Variants in EPC1 observed in about 807,000 individuals in gnomAD.
EPC1 encodes the protein enhancer of polycomb 1.
In EPC1, 12 loss-of-function variants were observed where a neutral mutation model predicts 98.4. The ratio of observed to expected loss-of-function variants is 0.12; its 90% CI spans 0.08 to 0.20. The LOEUF is 0.20. EPC1 is among the 10% of genes least tolerant of loss of function. The pLI is 1.00. For synonymous variants in EPC1, 357 were observed against 363.9 expected (o/e 0.98, Z 0.21); for missense variants, 729 against 990.5 (o/e 0.74, Z 3.54).
intron 2 of EPC1, among the ~76,000 whole-genome samples, chr10:32,296,506 G>A (rs924195622): frequency 6.6e-6 from 1 of 152,176 alleles, no homozygotes; most frequent in Non-Finnish European, 1.5e-5. Context: ...TCTATCATAT[G>A]AATCAAGGAG....
intron 1 of EPC1, 94 bp from the exon 2 acceptor site, chr10:32,306,025 T>G: frequency 9.2e-7 from 1 of 1,082,920 alleles, no homozygotes; most frequent in Non-Finnish European, 1.3e-6. Flanking sequence ...CATTTGTTTT[T>G]AAAATAGAGA....
At chr10:32,340,782 A>G (rs1733385684) in intron 1 of EPC1, among the ~76,000 whole-genome samples, 1 of 152,116 alleles carries the variant, frequency 6.6e-6, no homozygotes, top group Non-Finnish European at 1.5e-5. Context: ...GTGAGCTATG[A>G]TCGTGTCACT....
At chr10:32,313,796 G>A (rs1227252416) in intron 1 of EPC1, among the ~76,000 whole-genome samples, 3 of 152,094 alleles carry the variant, frequency 2.0e-5, no homozygotes, top group African/African-American at 7.2e-5. Flanking sequence ...TAAGGCAGGA[G>A]AATCGCTTGA....
At chr10:32,355,607 C>CTTTT (rs542748610) in intron 1 of EPC1, among the ~76,000 whole-genome samples, 21 of 72,876 alleles carry the variant, frequency 2.9e-4, no homozygotes, top group African/African-American at 9.4e-4. Context: ...GTGCCTTACC[C>CTTTT]TTTTTTTTTT....
At chr10:32,340,919 CAA>C (rs1444703787) in intron 1 of EPC1, among the ~76,000 whole-genome samples, 1 of 87,118 alleles carries the variant, frequency 1.1e-5, no homozygotes, top group African/African-American at 3.5e-5. Context: ...TTATTCTTAC[CAA>C]AAAGTTATTG....
intron 13 of EPC1, among the ~76,000 whole-genome samples, chr10:32,270,241 AATTTAACAAGT>A (rs1436070667): frequency 6.6e-6 from 1 of 152,212 alleles, no homozygotes; most frequent in Admixed American, 6.5e-5. Flanking sequence ...CTATACAATT[AATTTAACAAGT>A]ATATAATGCT....
At chr10:32,373,001 G>A (rs1295939509) in intron 1 of EPC1, among the ~76,000 whole-genome samples, 1 of 152,244 alleles carries the variant, frequency 6.6e-6, no homozygotes. Context: ...TTTAGCCTGG[G>A]TGACAAGAGC....
chr10:32,339,674 G>A (rs746777508), intron 1 of EPC1, among the ~76,000 whole-genome samples: 7 of 152,116 alleles, frequency 4.6e-5, no homozygotes, highest in Non-Finnish European at 8.8e-5. Flanking sequence ...AAAATATAAT[G>A]TTAAGTATCT....
At position 32,292,858 on chromosome 10, in the gene EPC1, C is replaced by T. The variant is rs559336530; in HGVS notation, c.666+130G>A. 5 of 763,732 alleles carry T rather than the reference C, an allele frequency of 6.5e-6. No individual in the cohort carries two copies. In the Admixed American group the frequency reaches 1.8e-4, roughly 28 times the overall value. 47.3% of individuals were successfully genotyped at this position (763,732 alleles called of 1,614,324 possible). Reference sequence around the variant, plus strand: ...ATAGCTGCATAATAAATCTTAAGTTCAATTTAAGTATTTTTCTTATAATTG... The same window carrying T: ...ATAGCTGCATAATAAATCTTAAGTTTAATTTAAGTATTTTTCTTATAATTG... On this transcript the variant is annotated intron_variant, in intron 4 of 13. Coordinates refer to ENST00000319778, the MANE Select transcript of EPC1 (RefSeq NM_001272004.3).
intron 1 of EPC1, among the ~76,000 whole-genome samples, chr10:32,327,589 G>A (rs1360577852): frequency 6.6e-6 from 1 of 152,000 alleles, no homozygotes; most frequent in Non-Finnish European, 1.5e-5. Context: ...CTTAATAATG[G>A]GAATGTGTTC....
At chr10:32,335,656 CTT>C (rs1243087059) in intron 1 of EPC1, among the ~76,000 whole-genome samples, 5 of 152,184 alleles carry the variant, frequency 3.3e-5, no homozygotes, top group African/African-American at 9.7e-5. Context: ...CATATACACT[CTT>C]TAAGTCACAG....
At chr10:32,294,117 A>G (rs1036565902) in intron 2 of EPC1, among the ~76,000 whole-genome samples, 6 of 152,228 alleles carry the variant, frequency 3.9e-5, no homozygotes, top group Non-Finnish European at 7.3e-5. Flanking sequence ...TTTATAATAT[A>G]AAAGGAGAAG....
At chr10:32,290,460 CG>C (rs1006413456) in intron 6 of EPC1, among the ~76,000 whole-genome samples, 2 of 107,700 alleles carry the variant, frequency 1.9e-5, no homozygotes, top group African/African-American at 7.8e-5. Context: ...CACTCCAGCC[CG>C]GGTGACAGAG....
At chr10:32,292,913 A>G in intron 4 of EPC1, 75 bp downstream of exon 4, 1 of 972,046 alleles carries the variant, frequency 1.0e-6, no homozygotes, top group South Asian at 2.2e-5. Context: ...AAATTAAACC[A>G]CAGTATTGAG....
upstream of EPC1, among the ~76,000 whole-genome samples, chr10:32,348,068 G>C (rs932437229): frequency 2.7e-5 from 4 of 149,246 alleles, no homozygotes; most frequent in Non-Finnish European, 5.9e-5. Flanking sequence ...TGTACTCAAA[G>C]AGACTGCGGC....
intron 2 of EPC1, among the ~76,000 whole-genome samples, chr10:32,299,145 G>C (rs1323904483): frequency 1.3e-5 from 2 of 151,884 alleles, no homozygotes; most frequent in Admixed American, 6.6e-5. Context: ...TTTCATTTTC[G>C]AAGCCATAGG....
At chr10:32,339,601 T>A (rs1412689942) in intron 1 of EPC1, among the ~76,000 whole-genome samples, 1 of 152,174 alleles carries the variant, frequency 6.6e-6, no homozygotes, top group Non-Finnish European at 1.5e-5. Flanking sequence ...CACAATCATA[T>A]CATACAACTC....
intron 1 of EPC1, among the ~76,000 whole-genome samples, chr10:32,364,208 GTA>G (rs564833883): frequency 0.53 from 78,689 of 149,850 alleles, 22,856 homozygotes; most frequent in East Asian, 0.69. Flanking sequence ...GAGACTTTTA[GTA>G]GATTTTGTAT....
At chr10:32,325,938 TTA>T (rs1279096962) in intron 1 of EPC1, among the ~76,000 whole-genome samples, 8 of 152,182 alleles carry the variant, frequency 5.3e-5, no homozygotes, top group Admixed American at 5.2e-4. Context: ...AATGAGGTCT[TTA>T]TGTTAAAGTC....
Sources: gnomAD v4.1 joint callset for allele counts (sites outside exome capture counted in the v4.1 genomes callset) on GRCh38, gnomAD v4.1.1 for gene constraint, MANE v1.5 for transcripts, NCBI Gene and HGNC (gene_info 2026-07-23, HGNC 2026-07-21) for gene names.